The following B3GALT1 variants were observed in gnomAD, a reference collection of about 807,000 sequenced individuals.
B3GALT1 encodes beta-1,3-galactosyltransferase 1.
B3GALT1 carries 10 observed loss-of-function variants against 23.2 expected under a neutral mutation model. That is an observed-to-expected ratio of 0.43 (90% CI 0.27 to 0.73). The LOEUF is 0.73. B3GALT1 is among the 30% of genes least tolerant of loss of function. B3GALT1 has a pLI of 0.21. For synonymous variants in B3GALT1, 156 were observed against 141.5 expected, an observed-to-expected ratio of 1.10 and a Z score of -0.73; for missense variants, 299 against 405.4, an observed-to-expected ratio of 0.74 and a Z score of 2.25.
intron 2 of B3GALT1, among the ~76,000 whole-genome samples, chr2:167,498,621 A>G (rs1015963750): frequency 2.6e-5 from 4 of 152,180 alleles, no homozygotes; most frequent in African/African-American, 9.6e-5. Flanking sequence ...ATCTTAATGT[A>G]AGAAAAGAGG....
chr2:167,801,122 G>C (rs1020262257), intron 3 of B3GALT1, among the ~76,000 whole-genome samples: 23 of 152,216 alleles, frequency 1.5e-4, no homozygotes, highest in African/African-American at 5.3e-4. Flanking sequence ...AGAATGCATA[G>C]TTATAGACAT....
At chr2:167,803,323 A>G (rs1688677871) in intron 3 of B3GALT1, among the ~76,000 whole-genome samples, 1 of 152,216 alleles carries the variant, frequency 6.6e-6, no homozygotes, top group Non-Finnish European at 1.5e-5. Flanking sequence ...TAGCTCAATT[A>G]TGTTTTGATT....
intron 3 of B3GALT1, among the ~76,000 whole-genome samples, chr2:167,725,796 G>C (rs779383681): frequency 6.6e-6 from 1 of 152,102 alleles, no homozygotes; most frequent in Non-Finnish European, 1.5e-5. Context: ...TAGTGTTCAG[G>C]GAGATGAAGA....
chr2:167,414,046 C>T (rs1698431294), intron 1 of B3GALT1, among the ~76,000 whole-genome samples: 2 of 151,920 alleles, frequency 1.3e-5, no homozygotes, highest in African/African-American at 4.8e-5. Context: ...GGCCCCATAA[C>T]AAAAGACAGA....
chr2:167,603,558 A>C (rs1414722380), intron 2 of B3GALT1, among the ~76,000 whole-genome samples: 2 of 152,242 alleles, frequency 1.3e-5, no homozygotes, highest in Admixed American at 1.3e-4. Flanking sequence ...CTCATTAGGC[A>C]GCCTCTTCCT....
intron 1 of B3GALT1, among the ~76,000 whole-genome samples, chr2:167,365,538 G>C (rs1315079741): frequency 2.0e-5 from 3 of 150,776 alleles, no homozygotes; most frequent in Admixed American, 2.0e-4. Context: ...GATATAAGAA[G>C]ATCGTATCTT....
chr2:167,823,552 T>C (rs1276201691), intron 4 of B3GALT1, among the ~76,000 whole-genome samples: 1 of 152,246 alleles, frequency 6.6e-6, no homozygotes, highest in Non-Finnish European at 1.5e-5. Flanking sequence ...TAATTTGGTA[T>C]AGCGAACAAA....
intron 1 of B3GALT1, among the ~76,000 whole-genome samples, chr2:167,391,402 G>T (rs1459864267): frequency 6.6e-6 from 1 of 152,114 alleles, no homozygotes; most frequent in Non-Finnish European, 1.5e-5. Flanking sequence ...GCTTTGATAA[G>T]ATTTAGAATT....
At chr2:167,362,745 TA>T (rs1185844419) in intron 1 of B3GALT1, among the ~76,000 whole-genome samples, 2 of 152,194 alleles carry the variant, frequency 1.3e-5, no homozygotes, top group African/African-American at 4.8e-5. Context: ...GTGCTCTGAG[TA>T]AAACGCATGT....
chr2:167,546,654 C>G (rs1683641546), intron 2 of B3GALT1, among the ~76,000 whole-genome samples: 1 of 152,152 alleles, frequency 6.6e-6, no homozygotes, highest in South Asian at 2.1e-4. Flanking sequence ...CTGCAGTTCT[C>G]ACATACTTCT....
At chr2:167,538,407 A>G (rs1558897261) in intron 2 of B3GALT1, among the ~76,000 whole-genome samples, 1 of 152,210 alleles carries the variant, frequency 6.6e-6, no homozygotes, top group African/African-American at 2.4e-5. Flanking sequence ...GTGTATATCT[A>G]TATTTATGTT....
intron 2 of B3GALT1, among the ~76,000 whole-genome samples, chr2:167,536,269 AAGAG>A (rs1207910708): frequency 6.6e-6 from 1 of 152,136 alleles, no homozygotes; most frequent in Non-Finnish European, 1.5e-5. Context: ...GTTAGCCAGA[AAGAG>A]AGAAAGAGCA....
At chr2:167,325,341 G>T (rs1426443190) in intron 1 of B3GALT1, among the ~76,000 whole-genome samples, 1 of 152,050 alleles carries the variant, frequency 6.6e-6, no homozygotes, top group Non-Finnish European at 1.5e-5. Context: ...TGGTCAGGAA[G>T]CATGGCTGGG....
chr2:167,563,531 G>A lies in B3GALT1; in HGVS notation c.-410+73254G>A, dbSNP rs1247518560. ...CTCCCGGACGGGGCGGCTGGCGGCG[G>A]GGGGCTGACCCCCCCCACCTCCCTC... On this transcript the variant is annotated intron_variant, in intron 2 of 4. Transcript: ENST00000392690. Among the ~76,000 whole-genome samples the A allele has an allele frequency of 6.7e-4, 9 of 13,404 alleles. 1 individual carries two copies. Among genetic ancestry groups the A allele is most frequent in the Non-Finnish European group, 1.0e-3 (9 of 8,646 alleles). 8.8% of individuals were successfully genotyped at this position (13,404 alleles called of 152,430 possible). A position where few individuals can be genotyped will look rare whatever the true frequency, so the allele number is the denominator to read the frequency against.
intron 2 of B3GALT1, among the ~76,000 whole-genome samples, chr2:167,606,163 G>A (rs1381591156): frequency 1.3e-5 from 2 of 152,158 alleles, no homozygotes; most frequent in East Asian, 3.8e-4. Flanking sequence ...AAAGAAATGG[G>A]TGTGTTGAGT....
At chr2:167,730,058 G>A (rs551091259) in intron 3 of B3GALT1, among the ~76,000 whole-genome samples, 2 of 152,288 alleles carry the variant, frequency 1.3e-5, no homozygotes, top group South Asian at 4.1e-4. Context: ...CCAAAAGAAA[G>A]AAAGGAGTCC....
At chr2:167,712,828 T>C (rs754332965) in intron 3 of B3GALT1, among the ~76,000 whole-genome samples, 3 of 152,124 alleles carry the variant, frequency 2.0e-5, no homozygotes, top group African/African-American at 4.8e-5. Flanking sequence ...TTGCTTCCTA[T>C]TGGAAGTGAC....
chr2:167,381,940 G>A (rs927580878), intron 1 of B3GALT1, among the ~76,000 whole-genome samples: 2 of 152,098 alleles, frequency 1.3e-5, no homozygotes, highest in Non-Finnish European at 1.5e-5. Flanking sequence ...TTTTACATTT[G>A]GATCGGATAT....
intron 2 of B3GALT1, among the ~76,000 whole-genome samples, chr2:167,627,067 A>G (rs1292119869): frequency 6.6e-6 from 1 of 151,692 alleles, no homozygotes; most frequent in Non-Finnish European, 1.5e-5. Context: ...TTTTATTTCC[A>G]GTGCCCAGCA....
Sources: gnomAD v4.1 joint callset for allele counts (sites outside exome capture counted in the v4.1 genomes callset) on GRCh38, gnomAD v4.1.1 for gene constraint, MANE v1.5 for transcripts, NCBI Gene and HGNC (gene_info 2026-07-23, HGNC 2026-07-21) for gene names.